Variants in GALNT14 observed in about 807,000 individuals in gnomAD.
GALNT14 encodes polypeptide N-acetylgalactosaminyltransferase 14.
Under a neutral mutation model 77.5 loss-of-function variants are expected in GALNT14, and 60 were observed. The ratio of observed to expected loss-of-function variants is 0.77; its 90% CI spans 0.63 to 0.96. The LOEUF is 0.96. GALNT14 is among the 40% of genes least tolerant of loss of function. The pLI is 0.00. For synonymous variants in GALNT14, 280 were observed against 281.7 expected, an observed-to-expected ratio of 0.99 and a Z score of 0.06; for missense variants, 710 against 731.0, an observed-to-expected ratio of 0.97 and a Z score of 0.33.
At chr2:30,963,276 C>G (rs1667802190) in intron 3 of GALNT14, among the ~76,000 whole-genome samples, 1 of 152,202 alleles carries the variant, frequency 6.6e-6, no homozygotes, top group African/African-American at 2.4e-5. Flanking sequence ...AGGAGCCGCG[C>G]TGTACCTCCA....
intron 1 of GALNT14, among the ~76,000 whole-genome samples, chr2:31,032,257 T>A (rs962329139): frequency 5.3e-5 from 8 of 152,164 alleles, no homozygotes; most frequent in African/African-American, 1.9e-4. Flanking sequence ...CTGGTGGGGA[T>A]GGCTGGTTGA....
intron 13 of GALNT14, among the ~76,000 whole-genome samples, chr2:30,914,315 G>A (rs557435996): frequency 1.3e-5 from 2 of 152,112 alleles, no homozygotes; most frequent in African/African-American, 2.4e-5. Context: ...AGTTAGGGCC[G>A]GCTCTGAGCT....
chr2:31,130,734 C>CTGTGTA (rs1453289649), intron 1 of GALNT14, among the ~76,000 whole-genome samples: 3 of 117,470 alleles, frequency 2.6e-5, no homozygotes, highest in African/African-American at 1.0e-4. Context: ...CAGGGTACCT[C>CTGTGTA]TGTGTGTGTG....
At chr2:30,922,034 G>A (rs572761551) in intron 13 of GALNT14, among the ~76,000 whole-genome samples, 2 of 152,320 alleles carry the variant, frequency 1.3e-5, no homozygotes, top group African/African-American at 4.8e-5. Context: ...AATGAGGGGT[G>A]CAGGAGAAAG....
At position 30,910,929 on chromosome 2, in the gene GALNT14, C is replaced by T. The variant is rs777221227; in HGVS notation, c.1631G>A (p.Ser544Asn). 6.2e-7 allele frequency: 1 copy of T among 1,613,984 alleles called. No homozygotes were observed. Among genetic ancestry groups the T allele is most frequent in the South Asian group, 1.1e-5 (1 of 91,054 alleles). The part of the protein sequence containing the change: ...VVNPCESSLM[S>N]QHWDMVSS ...AGAGCTCACCATGTCCCAGTGCTGG[C>T]TCATGAGTGAGGACTCACATGGGTT... The change falls in exon 15 of 15, where the codon AGC becomes AAC. Residue 544 changes from serine to asparagine, a missense_variant. Physicochemically the swap from Ser to Asn is conservative, Grantham distance 46. Coordinates refer to ENST00000349752, the MANE Select transcript of GALNT14 (RefSeq NM_024572.4).
chr2:30,989,577 T>TATATATATATAC (rs1407487990), intron 2 of GALNT14, among the ~76,000 whole-genome samples: 9 of 128,040 alleles, frequency 7.0e-5, no homozygotes, highest in African/African-American at 2.7e-4. Context: ...TATATATATA[T>TATATATATATAC]ATATAAAAAT....
intron 1 of GALNT14, among the ~76,000 whole-genome samples, chr2:31,019,385 A>G (rs1050642326): frequency 6.6e-6 from 1 of 152,126 alleles, no homozygotes; most frequent in Admixed American, 6.5e-5. Context: ...AGAACTGCAG[A>G]GCCTAGTACC....
chr2:31,058,726 A>G (rs757754625), intron 1 of GALNT14, among the ~76,000 whole-genome samples: 19 of 152,274 alleles, frequency 1.2e-4, no homozygotes, highest in Non-Finnish European at 2.8e-4. Flanking sequence ...CCTTTCATAC[A>G]CAACGTCCCA....
chr2:31,110,405 C>T (rs1677776136), intron 1 of GALNT14, among the ~76,000 whole-genome samples: 1 of 152,176 alleles, frequency 6.6e-6, no homozygotes, highest in Non-Finnish European at 1.5e-5. Context: ...TTTAAAAAGT[C>T]ACAGAAAGAA....
the GALNT14 span, among the ~76,000 whole-genome samples, chr2:30,887,811 G>C: frequency 3.3e-5 from 5 of 152,126 alleles, no homozygotes; most frequent in Non-Finnish European, 5.9e-5. Context: ...TTTACTCCTA[G>C]TTTTCTTCCA....
chr2:31,137,526 C>G (rs1679277630), intron 1 of GALNT14, among the ~76,000 whole-genome samples: 1 of 152,102 alleles, frequency 6.6e-6, no homozygotes, highest in African/African-American at 2.4e-5. Flanking sequence ...TCCGGCCTCC[C>G]CAGGTCGGGC....
At chr2:31,061,982 T>C (rs138583184) in intron 1 of GALNT14, among the ~76,000 whole-genome samples, 55 of 152,342 alleles carry the variant, frequency 3.6e-4, no homozygotes, top group African/African-American at 1.3e-3. Context: ...GCATTTAATA[T>C]AGTGCCTAAA....
intron 9 of GALNT14, among the ~76,000 whole-genome samples, chr2:30,940,068 T>C (rs1666289778): frequency 1.3e-5 from 2 of 151,870 alleles, no homozygotes; most frequent in African/African-American, 4.8e-5. Flanking sequence ...TAATGGAATG[T>C]TGGGGTGGGA....
intron 1 of GALNT14, among the ~76,000 whole-genome samples, chr2:31,021,503 G>C (rs1196672612): frequency 6.6e-6 from 1 of 151,708 alleles, no homozygotes; most frequent in Non-Finnish European, 1.5e-5. Context: ...ACAGGGTTTT[G>C]CCATGTTGGT....
intron 4 of GALNT14, among the ~76,000 whole-genome samples, chr2:30,956,781 A>G (rs553491420): frequency 3.9e-5 from 6 of 152,364 alleles, no homozygotes; most frequent in South Asian, 2.1e-4. Context: ...TGCTAGAATT[A>G]CAGGCATGAG....
chr2:30,890,664 G>C, the GALNT14 span, among the ~76,000 whole-genome samples: 14 of 152,160 alleles, frequency 9.2e-5, no homozygotes, highest in African/African-American at 3.4e-4. Flanking sequence ...TAAAACTCCA[G>C]CTGAAATCCT....
chr2:31,003,092 A>G (rs1213636278), intron 1 of GALNT14, among the ~76,000 whole-genome samples: 1 of 152,196 alleles, frequency 6.6e-6, no homozygotes, highest in African/African-American at 2.4e-5. Flanking sequence ...TCAAGTCAAT[A>G]TCCCACTTGG....
chr2:31,126,671 C>A (rs1480326582), intron 1 of GALNT14: 1 of 152,188 alleles, frequency 6.6e-6, no homozygotes, highest in Non-Finnish European at 1.5e-5. Context: ...TCTCTGCAAT[C>A]ACACTTTCAC....
intron 1 of GALNT14, among the ~76,000 whole-genome samples, chr2:31,003,906 C>T (rs1205519724): frequency 6.6e-6 from 1 of 152,226 alleles, no homozygotes. Context: ...ACTGGGGAAG[C>T]GGGCCTGGCT....
Sources: allele counts gnomAD v4.1 joint callset (sites outside exome capture counted in the v4.1 genomes callset), GRCh38; gene constraint gnomAD v4.1.1; transcripts MANE v1.5; gene names NCBI Gene and HGNC (gene_info 2026-07-23, HGNC 2026-07-21).